Variants in SS18L2 observed in about 807,000 individuals in gnomAD.
The protein encoded by SS18L2 is SS18-like protein 2.
In SS18L2, 8 loss-of-function variants were observed where a neutral mutation model predicts 10.3. The ratio of observed to expected loss-of-function variants is 0.78; its 90% CI spans 0.46 to 1.41. The LOEUF is 1.41. Among genes scored for constraint, SS18L2 ranks in the 40% most tolerant of loss-of-function variants. SS18L2 has a pLI of 0.00. For missense variants in SS18L2, 100 were observed against 96.2 expected, an observed-to-expected ratio of 1.04 and a Z score of -0.17; for synonymous variants, 41 against 34.6, an observed-to-expected ratio of 1.19 and a Z score of -0.65.
intron 1 of SS18L2, chr3:42,582,132 G>T (rs371365400): frequency 6.6e-6 from 1 of 152,248 alleles, no homozygotes; most frequent in Admixed American, 6.5e-5. Context: ...CGACCCAAAC[G>T]GAGAGGGAGT....
In SS18L2 at chr3:42,595,101, C is replaced by A. The variant is rs1425284533; in HGVS notation, c.*592C>A. 6.6e-6 allele frequency: 1 copy of A among 152,132 alleles called. No homozygotes were observed. Among genetic ancestry groups the A allele is most frequent in the Admixed American group, 6.5e-5 (1 of 15,280 alleles). 9.4% of individuals were successfully genotyped at this position (152,132 alleles called of 1,614,324 possible). ...AAGTATATAAAAACAATACTATTAT[C>A]ATTGCCAACAAAATGAATAGTGATT... On this transcript the variant is annotated 3_prime_UTR_variant, in exon 3 of 3. Coordinates refer to ENST00000011691, the MANE Select transcript of SS18L2 (RefSeq NM_001370300.1).
At chr3:42,584,514 C>T (rs2125734751) in intron 1 of SS18L2, among the ~76,000 whole-genome samples, 1 of 152,306 alleles carries the variant, frequency 6.6e-6, no homozygotes, top group South Asian at 2.1e-4. Context: ...CCTTGGCCTC[C>T]CTAAGTGCTG....
upstream of SS18L2, among the ~76,000 whole-genome samples, chr3:42,590,484 G>C (rs555955121): frequency 1.3e-4 from 20 of 152,258 alleles, no homozygotes; most frequent in African/African-American, 4.8e-4. Context: ...AAAATTAGAC[G>C]GGCGTGGTGG....
At chr3:42,583,158 T>C (rs866431191) in intron 1 of SS18L2, among the ~76,000 whole-genome samples, 1 of 152,186 alleles carries the variant, frequency 6.6e-6, no homozygotes, top group Non-Finnish European at 1.5e-5. Flanking sequence ...CTGGTCAAAA[T>C]TGCATTTTAT....
chr3:42,585,625 C>T (rs1326158192), intron 1 of SS18L2, among the ~76,000 whole-genome samples: 1 of 152,204 alleles, frequency 6.6e-6, no homozygotes, highest in Non-Finnish European at 1.5e-5. Context: ...ACCTCCATCA[C>T]ATTCTTCCCA....
Position 42,590,892 on chromosome 3 carries a change from C to G in SS18L2, c.-6C>G, listed in dbSNP as rs750451000. ...TTGGCGGTCGTGGTTCCGGAGGTTC[C>G]TCGGGATGTCGGTGGCCTTCGTACC... is the stretch of plus-strand genomic sequence containing the variant. On this transcript the variant is annotated 5_prime_UTR_variant, in exon 1 of 3. Transcript: ENST00000011691. 6.5e-7 allele frequency: 1 copy of G among 1,538,436 alleles called. No individual in the cohort carries two copies. The highest frequency in any genetic ancestry group is 1.7e-5 in the Admixed American group (1 of 57,368).
At position 42,596,075 on chromosome 3, in the gene SS18L2, G is replaced by A. The variant is rs576792774; in HGVS notation, c.*1566G>A. ...AGACGGAATCTCGCTCTGTCGGAGTGCAGTGGTGCAATTTTGGCTCACTGC... is the reference window on the plus strand; with the variant it reads ...AGACGGAATCTCGCTCTGTCGGAGTACAGTGGTGCAATTTTGGCTCACTGC... On this transcript the variant is annotated 3_prime_UTR_variant, in exon 3 of 3. Transcript: ENST00000011691. Among the ~76,000 whole-genome samples the A allele has an allele frequency of 6.6e-6, 1 of 151,808 alleles. No homozygotes were observed. The highest frequency in any genetic ancestry group is 1.5e-5 in the Non-Finnish European group (1 of 67,954).
chr3:42,590,772 G>A (rs1704795121), upstream of SS18L2: 11 of 986,808 alleles, frequency 1.1e-5, 1 homozygote, highest in South Asian at 1.1e-4. Context: ...TGCGCGTCCA[G>A]TCACAAATGA....
In SS18L2 at chr3:42,584,340, C is replaced by T. The variant is rs894254658; in HGVS notation, c.-90+2382C>T. Among the ~76,000 whole-genome samples the T allele has an allele frequency of 3.9e-5, 6 of 152,164 alleles. No homozygotes were observed. In the South Asian group the frequency reaches 6.2e-4, roughly 16 times the overall value. Reference sequence around the variant, plus strand: ...CACAATCTCGGCCCACTGCAACCTGCGCCTCCCAGGCTCAAGTGATTCTTC... The same window carrying T: ...CACAATCTCGGCCCACTGCAACCTGTGCCTCCCAGGCTCAAGTGATTCTTC... On this transcript the variant is annotated intron_variant, in intron 1 of 3. Transcript: ENST00000447630.
chr3:42,596,469 G>A lies in SS18L2; in HGVS notation c.*1960G>A, dbSNP rs967377714. On this transcript the variant is annotated 3_prime_UTR_variant, in exon 3 of 3. Transcript: ENST00000011691. ...CCCCAGAATCATTACCTGAAAATTC[G>A]TACTACCAGTGGTTCTTCTTCATGA... Among the ~76,000 whole-genome samples the A allele has an allele frequency of 2.6e-5, 4 of 152,258 alleles. No individual in the cohort carries two copies. Among genetic ancestry groups the A allele is most frequent in the East Asian group, 1.9e-4 (1 of 5,184 alleles).
chr3:42,591,093 G>T, intron 1 of SS18L2, 127 bp downstream of exon 1: 1 of 1,113,294 alleles, frequency 9.0e-7, no homozygotes, highest in Non-Finnish European at 1.3e-6. Flanking sequence ...AGCAGCCGGG[G>T]TGCGGGGTGA....
rs939332302 is a variant in SS18L2, at chr3:42,591,046, T to C, written c.69+80T>C. 208 of 1,458,690 alleles carry C rather than the reference T, an allele frequency of 1.4e-4. 3 individuals are homozygous for C. The highest frequency in any genetic ancestry group is 1.2e-3 in the South Asian group (95 of 82,426). 90.4% of individuals were successfully genotyped at this position (1,458,690 alleles called of 1,614,324 possible). ...GCTGCGGGGTGCGAGAAGCATCCTG[T>C]AGTGAGCGGCCTCCCAGCTGACTGT... On this transcript the variant is annotated intron_variant, in intron 1 of 2. Coordinates refer to ENST00000011691, the MANE Select transcript of SS18L2 (RefSeq NM_001370300.1).
chr3:42,590,163 T>C (rs1245419402), upstream of SS18L2, among the ~76,000 whole-genome samples: 3 of 152,200 alleles, frequency 2.0e-5, no homozygotes, highest in African/African-American at 7.2e-5. Flanking sequence ...GAATTTCTCG[T>C]TCAGCAAAGA....
upstream of SS18L2, among the ~76,000 whole-genome samples, chr3:42,589,497 C>A (rs931119352): frequency 1.3e-5 from 2 of 152,082 alleles, no homozygotes; most frequent in African/African-American, 4.8e-5. Flanking sequence ...ATCTTGTTAC[C>A]ACATCCACCA....
At chr3:42,585,786 C>T (rs1704590618) in intron 1 of SS18L2, among the ~76,000 whole-genome samples, 1 of 152,206 alleles carries the variant, frequency 6.6e-6, no homozygotes, top group South Asian at 2.1e-4. Flanking sequence ...CAAAATCTCA[C>T]AACCACACAG....
intron 1 of SS18L2, among the ~76,000 whole-genome samples, chr3:42,583,459 G>A (rs1704500739): frequency 2.0e-5 from 3 of 152,238 alleles, no homozygotes. Flanking sequence ...GGGATTCACA[G>A]ATATGGAGAA....
At chr3:42,587,180 A>G (rs1404435281), upstream of SS18L2, among the ~76,000 whole-genome samples, 1 of 152,202 alleles carries the variant, frequency 6.6e-6, no homozygotes, top group Non-Finnish European at 1.5e-5. Context: ...TACAGCCAAT[A>G]AAACTCTAAA....
chr3:42,594,316 G>T, intron 2 of SS18L2, 106 bp from the exon 3 acceptor site: 1 of 775,646 alleles, frequency 1.3e-6, no homozygotes, highest in Non-Finnish European at 2.3e-6. Context: ...GAATCATCCA[G>T]TCAGTGGATG....
Position 42,594,509 on chromosome 3 carries a change from A to C in SS18L2, c.234A>C (p.Ter78TyrextTer18). The change falls in exon 3 of 3, where the codon TAA (stop) becomes TAC (tyrosine). Residue 78 changes from the stop codon to tyrosine (Y), a stop_lost. Coordinates refer to ENST00000011691, the MANE Select transcript of SS18L2 (RefSeq NM_001370300.1). ...CCAGCACTTCAAAAGCAATGGAATA[A>C]TCTTTCAAAAGCAATAGAATAATCT... ...SPTSTSKAME[*>Y] 6.2e-7 allele frequency: 1 copy of C among 1,612,124 alleles called. No homozygotes were observed. Among genetic ancestry groups the C allele is most frequent in the Non-Finnish European group, 8.5e-7 (1 of 1,178,264 alleles).
Sources: gnomAD v4.1 joint callset for allele counts (sites outside exome capture counted in the v4.1 genomes callset) on GRCh38, gnomAD v4.1.1 for gene constraint, MANE v1.5 for transcripts, NCBI Gene and HGNC (gene_info 2026-07-23, HGNC 2026-07-21) for gene names.